Variants in SKAP1 observed in about 807,000 individuals in gnomAD.
SKAP1 encodes src kinase associated phosphoprotein 1, also known as src kinase-associated phosphoprotein 1.
Under a neutral mutation model 58.5 loss-of-function variants are expected in SKAP1, and 44 were observed. That is an observed-to-expected ratio of 0.75 (90% CI 0.59 to 0.97). SKAP1 has a LOEUF of 0.97. Ranked by LOEUF, SKAP1 falls within the 50% of genes least tolerant of loss-of-function variation. The pLI is 0.00. For synonymous variants in SKAP1, 127 were observed against 149.7 expected, an observed-to-expected ratio of 0.85 and a Z score of 1.11; for missense variants, 390 against 435.2, an observed-to-expected ratio of 0.90 and a Z score of 0.92.
rs776462330 is a variant in SKAP1, at chr17:48,189,514, T to C, written c.281-14A>G. The C allele has an allele frequency of 2.5e-6, 4 of 1,603,516 alleles. No homozygotes were observed. The South Asian group carries it at 3.4e-5, about 13-fold the overall frequency. On this transcript the variant is annotated splice_polypyrimidine_tract_variant and intron_variant, in intron 4 of 12. Coordinates refer to ENST00000336915, the MANE Select transcript of SKAP1 (RefSeq NM_003726.4). ...TGTCTTCCATTCCTAAAAGGACCAA[T>C]GGCAAAATGCTTTATTGAAACCTGG...
chr17:48,211,251 G>A (rs900289090), intron 4 of SKAP1, among the ~76,000 whole-genome samples: 5 of 152,042 alleles, frequency 3.3e-5, no homozygotes, highest in African/African-American at 1.2e-4. Flanking sequence ...AGACCAGGCT[G>A]GGCAGCACAG....
intron 4 of SKAP1, among the ~76,000 whole-genome samples, chr17:48,231,545 T>A (rs369603986): frequency 2.7e-5 from 4 of 149,224 alleles, no homozygotes; most frequent in Admixed American, 6.7e-5. Flanking sequence ...AATGAGTTAA[T>A]AAAAAAAAAA....
chr17:48,181,058 G>A (rs1340516571), intron 8 of SKAP1, among the ~76,000 whole-genome samples: 2 of 152,072 alleles, frequency 1.3e-5, no homozygotes, highest in African/African-American at 2.4e-5. Context: ...GGATGGGTGA[G>A]TGCAGTCAGC....
chr17:48,297,480 T>C (rs1414230205), intron 4 of SKAP1, among the ~76,000 whole-genome samples: 3 of 152,212 alleles, frequency 2.0e-5, no homozygotes, highest in Admixed American at 6.5e-5. Context: ...CAAAACAAGA[T>C]CATAGATAGT....
chr17:48,334,596 A>C (rs531172380), intron 4 of SKAP1, among the ~76,000 whole-genome samples: 26 of 152,038 alleles, frequency 1.7e-4, no homozygotes, highest in African/African-American at 5.3e-4. Flanking sequence ...ATTAAAAAAA[A>C]ATCAGGCCCA....
At chr17:48,418,023 A>G (rs945199623) in intron 1 of SKAP1, among the ~76,000 whole-genome samples, 1 of 152,208 alleles carries the variant, frequency 6.6e-6, no homozygotes, top group Admixed American at 6.5e-5. Context: ...GGGTGGGTGC[A>G]GTGCCTCACA....
chr17:48,176,756 A>G (rs945471796), intron 9 of SKAP1, among the ~76,000 whole-genome samples: 14 of 152,180 alleles, frequency 9.2e-5, no homozygotes, highest in South Asian at 6.2e-4. Flanking sequence ...GATTAATGTG[A>G]TGGAGTGAGT....
chr17:48,396,142 A>G (rs1354482568), intron 2 of SKAP1, among the ~76,000 whole-genome samples: 1 of 152,210 alleles, frequency 6.6e-6, no homozygotes, highest in East Asian at 1.9e-4. Flanking sequence ...AGATGCTCAC[A>G]TTCTAAAATG....
At chr17:48,155,105 CATGATGATG>C (rs1201674639) in intron 11 of SKAP1, among the ~76,000 whole-genome samples, 2 of 150,524 alleles carry the variant, frequency 1.3e-5, no homozygotes, top group African/African-American at 4.9e-5. Context: ...GTGGAACAAG[CATGATGATG>C]ATGATGATGA....
the SKAP1 span, among the ~76,000 whole-genome samples, chr17:48,435,459 T>C: frequency 6.6e-6 from 1 of 152,222 alleles, no homozygotes; most frequent in Non-Finnish European, 1.5e-5. Flanking sequence ...ACAGTCTGTG[T>C]AGCTAATCTG....
intron 4 of SKAP1, among the ~76,000 whole-genome samples, chr17:48,261,953 C>G (rs2065490685): frequency 1.3e-5 from 2 of 152,202 alleles, no homozygotes; most frequent in Non-Finnish European, 2.9e-5. Context: ...CTCCAGATAA[C>G]ACATAAAACT....
rs543889918 is a variant in SKAP1 at position 48,194,850 on chromosome 17, A to T, written c.281-5350T>A. 1.3e-4 allele frequency among the ~76,000 whole-genome samples: 20 copies of T among 152,340 alleles called. 1 individual carries two copies. The highest frequency in any genetic ancestry group is 4.6e-4 in the African/African-American group (19 of 41,572). ...CTAATAGCTAACAGGGGTGAATTTC[A>T]GACAGGGTGAAGTTTAGCAGGATCC... On this transcript the variant is annotated intron_variant, in intron 4 of 12. Transcript: ENST00000336915.
intron 2 of SKAP1, among the ~76,000 whole-genome samples, chr17:48,379,686 T>TC (rs1243395768): frequency 6.6e-6 from 1 of 150,556 alleles, no homozygotes; most frequent in African/African-American, 2.4e-5. Context: ...CTTCTTCTTT[T>TC]TTTTTTTTTT....
intron 11 of SKAP1, among the ~76,000 whole-genome samples, chr17:48,139,887 C>G (rs982830814): frequency 6.6e-6 from 1 of 152,182 alleles, no homozygotes; most frequent in Non-Finnish European, 1.5e-5. Flanking sequence ...TGGTTTAAGA[C>G]TACCCCTCAC....
chr17:48,224,768 G>A (rs1411566859), intron 4 of SKAP1, among the ~76,000 whole-genome samples: 3 of 152,140 alleles, frequency 2.0e-5, no homozygotes, highest in African/African-American at 7.2e-5. Context: ...CACTGATCAT[G>A]CTTAGTTCAA....
chr17:48,226,142 G>A (rs2065066004), intron 4 of SKAP1, among the ~76,000 whole-genome samples: 1 of 152,186 alleles, frequency 6.6e-6, no homozygotes, highest in Non-Finnish European at 1.5e-5. Flanking sequence ...GGTACAGGAT[G>A]TTCCCCTACT....
At chr17:48,332,434 G>A (rs939935942) in intron 4 of SKAP1, among the ~76,000 whole-genome samples, 1 of 152,046 alleles carries the variant, frequency 6.6e-6, no homozygotes, top group African/African-American at 2.4e-5. Flanking sequence ...AACTTTAGAC[G>A]ATAACATAAA....
intron 2 of SKAP1, among the ~76,000 whole-genome samples, chr17:48,388,359 G>A (rs554167183): frequency 5.9e-5 from 9 of 152,128 alleles, no homozygotes; most frequent in South Asian, 2.1e-4. Flanking sequence ...ACTTGAACCC[G>A]GGAGGCAGAG....
intron 10 of SKAP1, among the ~76,000 whole-genome samples, chr17:48,164,421 C>T (rs559980902): frequency 2.0e-5 from 3 of 152,266 alleles, no homozygotes; most frequent in Non-Finnish European, 4.4e-5. Flanking sequence ...CAGATAGTCA[C>T]TTTGGAGTAC....
Sources: gnomAD v4.1 joint callset for allele counts (sites outside exome capture counted in the v4.1 genomes callset) on GRCh38, gnomAD v4.1.1 for gene constraint, MANE v1.5 for transcripts, NCBI Gene and HGNC (gene_info 2026-07-23, HGNC 2026-07-21) for gene names.